Variants in HSPG2 observed in about 807,000 individuals in gnomAD.
HSPG2 encodes basement membrane-specific heparan sulfate proteoglycan core protein.
A neutral mutation model predicts 526.6 loss-of-function variants in HSPG2; 278 were observed. The ratio of observed to expected loss-of-function variants is 0.53; its 90% CI spans 0.48 to 0.58. The LOEUF is 0.58. Ranked by LOEUF, HSPG2 falls within the 20% of genes least tolerant of loss-of-function variation. The pLI, the probability that HSPG2 is intolerant of heterozygous loss-of-function variation, is 0.00. For missense variants in HSPG2, 5,354 were observed against 6,099.5 expected (o/e 0.88, Z 4.07); for synonymous variants, 2,465 against 2,555.4 (o/e 0.96, Z 1.07).
chr1:21,906,542 A>G (rs1643385955), intron 1 of HSPG2, among the ~76,000 whole-genome samples: 2 of 152,178 alleles, frequency 1.3e-5, no homozygotes, highest in South Asian at 4.1e-4. Flanking sequence ...AGAGCTGGAA[A>G]TCAGAGCAAG....
At chr1:21,863,423 A>G (rs1335616634) in intron 37 of HSPG2, among the ~76,000 whole-genome samples, 1 of 152,116 alleles carries the variant, frequency 6.6e-6, no homozygotes, top group Non-Finnish European at 1.5e-5. Context: ...CCTCATAAAA[A>G]CATGTGGGTT....
chr1:21,856,969 G>T (rs764918322), intron 44 of HSPG2, 46 bp downstream of exon 44: 7 of 1,572,922 alleles, frequency 4.5e-6, no homozygotes, highest in South Asian at 4.4e-5. Context: ...TGGTGGGAAT[G>T]GGGGAGAGAC....
In HSPG2 at chr1:21,896,279, A is replaced by G; in HGVS notation, c.95T>C (p.Leu32Ser). Residue 32 changes from leucine (L) to serine (S), a missense_variant, in exon 2 of 97, where the codon TTG becomes TCG. Leu to Ser is a moderately radical substitution (Grantham distance 145). Coordinates refer to ENST00000374695, the MANE Select transcript of HSPG2 (RefSeq NM_005529.7). ...GGTCTCTATGTCCTCAGGCAGAGACAAGCCATCGTATGCCCTCAGCCCATG... is the reference window on the plus strand; with the variant it reads ...GGTCTCTATGTCCTCAGGCAGAGACGAGCCATCGTATGCCCTCAGCCCATG... Reference protein sequence around the residue: ...VTHGLRAYDGLSLPEDIETVT... With the variant: ...VTHGLRAYDGSSLPEDIETVT... 1 of 1,613,748 alleles carries G rather than the reference A, an allele frequency of 6.2e-7. No homozygotes were observed. The highest frequency in any genetic ancestry group is 8.5e-7 in the Non-Finnish European group (1 of 1,179,970).
At chr1:21,879,797 C>A (rs958189320) in intron 17 of HSPG2, among the ~76,000 whole-genome samples, 1 of 152,202 alleles carries the variant, frequency 6.6e-6, no homozygotes, top group South Asian at 2.1e-4. Flanking sequence ...GGATTACAGG[C>A]GTACGCCACC....
At chr1:21,835,156 G>A in intron 76 of HSPG2, 1 of 649,828 alleles carries the variant, frequency 1.5e-6, no homozygotes, top group African/African-American at 1.8e-5. Context: ...TTTTTTTTTA[G>A]ACAAAGGGTC....
chr1:21,896,458 C>G, intron 1 of HSPG2, 148 bp from the exon 2 acceptor site: 1 of 985,402 alleles, frequency 1.0e-6, no homozygotes, highest in African/African-American at 1.6e-5. Flanking sequence ...GTGAGCCAGG[C>G]TGGGGCTGAA....
intron 55 of HSPG2, 44 bp downstream of exon 55, chr1:21,851,502 G>A: frequency 1.2e-6 from 2 of 1,612,022 alleles, no homozygotes; most frequent in Non-Finnish European, 1.7e-6. Flanking sequence ...GCCACCCAGG[G>A]ACCCGCTTCC....
At chr1:21,860,566 A>T (rs569004941) in intron 39 of HSPG2, among the ~76,000 whole-genome samples, 181 of 151,906 alleles carry the variant, frequency 1.2e-3, no homozygotes, top group Non-Finnish European at 1.6e-3. Flanking sequence ...ATCTCGGCTC[A>T]CTGCAAACTC....
chr1:21,917,623 G>A (rs1258076117), intron 1 of HSPG2, among the ~76,000 whole-genome samples: 1 of 152,156 alleles, frequency 6.6e-6, no homozygotes, highest in Non-Finnish European at 1.5e-5. Context: ...AGGCTCCTAA[G>A]AACTGGACGA....
In HSPG2 at chr1:21,848,992, C is replaced by T. The variant is rs117337282; in HGVS notation, c.7486G>A (p.Ala2496Thr). ...SRLRLLQVTP[A>T]DSGEYVCRVV... ...CGGCACACGTACTCCCCTGAATCAG[C>T]TGGGGTCACCTGGAGCAGGCGTAGC... Residue 2496 changes from alanine to threonine, a missense_variant, in exon 58 of 97, where the codon GCT (alanine) becomes ACT (threonine). Physicochemically the swap from Ala to Thr is moderately conservative, Grantham distance 58 (BLOSUM62 0). Coordinates refer to ENST00000374695, the MANE Select transcript of HSPG2 (RefSeq NM_005529.7). The surrounding 1 kb of genome is among the most constrained non-coding windows in gnomAD (Gnocchi z 4.9). The T allele has an allele frequency of 1.2e-6, 2 of 1,614,056 alleles. No individual in the cohort carries two copies. Among genetic ancestry groups the T allele is most frequent in the East Asian group, 4.5e-5 (2 of 44,876 alleles).
rs766904161 is a variant in HSPG2 at position 21,884,914 on chromosome 1, T to C, written c.1360A>G (p.Thr454Ala). The C allele has an allele frequency of 2.2e-5, 35 of 1,613,968 alleles. No homozygotes were observed. Among genetic ancestry groups the C allele is most frequent in the Non-Finnish European group, 2.9e-5 (34 of 1,180,004 alleles). The change falls in exon 12 of 97, where the codon ACA becomes GCA. Residue 454 changes from threonine to alanine, a missense_variant. Transcript: ENST00000374695. The stretch of plus-strand genomic sequence containing the variant: ...CCACGGCCACCCTCGCTGGTCACTG[T>C]CACCCTGGTGAGCCCCAAGACAAGT... ...WGHIPSHPRV[T>A]VTSEGGRGTL... is the part of the protein sequence containing the mutation.
In HSPG2 at chr1:21,887,891, C is replaced by G. The variant is rs1015067907; in HGVS notation, c.703+47G>C. On this transcript the variant is annotated intron_variant, in intron 7 of 96. Transcript: ENST00000374695. The surrounding 1 kb of genome is among the most constrained non-coding windows in gnomAD (Gnocchi z 5.0). Reference sequence around the variant, plus strand: ...CCAAGACCCAGGTGTAGGACCCTGGCCCTCCCCTGGCACCCAAACCACTCG... The same window carrying G: ...CCAAGACCCAGGTGTAGGACCCTGGGCCTCCCCTGGCACCCAAACCACTCG... 5 of 1,613,354 alleles carry G rather than the reference C, an allele frequency of 3.1e-6. No individual in the cohort carries two copies. The highest frequency in any genetic ancestry group is 4.2e-6 in the Non-Finnish European group (5 of 1,179,842).
chr1:21,851,382 G>A (rs1465811650), intron 55 of HSPG2, 164 bp downstream of exon 55: 8 of 927,884 alleles, frequency 8.6e-6, no homozygotes, highest in South Asian at 4.8e-5. Flanking sequence ...TCACACCCAG[G>A]TTAGTCAGTC....
chr1:21,857,406 C>A lies in HSPG2; in HGVS notation c.5294-21G>T, dbSNP rs566580051. 6.2e-5 allele frequency: 99 copies of A among 1,609,112 alleles called. No individual in the cohort carries two copies. The Admixed American group carries it at 8.5e-4, about 14-fold the overall frequency. On this transcript the variant is annotated intron_variant, in intron 42 of 96. Transcript: ENST00000374695. ...AGCCTCTGCAGGGACGGGAAGCCCC[C>A]CTGTGAGCCGGTGCTGGCTAGGCCC... is the stretch of plus-strand genomic sequence containing the variant.
intron 67 of HSPG2, 144 bp from the exon 68 acceptor site, chr1:21,842,524 A>C (rs1490490521): frequency 9.3e-7 from 1 of 1,075,582 alleles, no homozygotes; most frequent in African/African-American, 1.6e-5. Context: ...TCATTCACAG[A>C]ATCCTAGAGG....
intron 1 of HSPG2, among the ~76,000 whole-genome samples, chr1:21,931,811 C>T (rs1644357776): frequency 6.6e-6 from 1 of 152,170 alleles, no homozygotes; most frequent in Non-Finnish European, 1.5e-5. Flanking sequence ...TGCAGACTCA[C>T]CCTAAACCTT....
rs985819530 is a variant in HSPG2, at chr1:21,839,894, G to C, written c.9637C>G (p.Gln3213Glu). 2 of 1,614,168 alleles carry C rather than the reference G, an allele frequency of 1.2e-6. No individual in the cohort carries two copies. The highest frequency in any genetic ancestry group is 4.5e-5 in the East Asian group (2 of 44,878). Residue 3213 changes from glutamine to glutamate, a missense_variant, in exon 72 of 97, where the codon CAG (glutamine) becomes GAG (glutamate). Transcript: ENST00000374695. This position sits in a 1 kb window ranked among gnomAD's most constrained non-coding sequence, Gnocchi z 4.5. ...DTGAMAPGAP[Q>E]VQAEEAELTV... ...AGCTCAGCTTCTTCAGCTTGGACCT[G>C]AGGGGCCCCTGGGGCCATGGCGCCC...
At chr1:21,835,074 T>C (rs2152697292) in intron 76 of HSPG2, 129 bp from the exon 77 acceptor site, 3 of 1,026,380 alleles carry the variant, frequency 2.9e-6, no homozygotes, top group South Asian at 2.7e-5. Context: ...ATTCACTTTT[T>C]CATGCATTCA....
At chr1:21,880,870 T>G (rs765477951) in intron 14 of HSPG2, 35 bp from the exon 15 acceptor site, 1 of 1,561,778 alleles carries the variant, frequency 6.4e-7, no homozygotes, top group Non-Finnish European at 8.7e-7. Context: ...CGGGCAGCTG[T>G]GGGCACACTT....
Sources: allele counts gnomAD v4.1 joint callset (sites outside exome capture counted in the v4.1 genomes callset), GRCh38; gene constraint gnomAD v4.1.1; non-coding constraint Gnocchi (gnomAD v3.1); transcripts MANE v1.5; gene names NCBI Gene and HGNC (gene_info 2026-07-23, HGNC 2026-07-21).